Variants in ADGRV1 observed in about 807,000 individuals in gnomAD.
ADGRV1 encodes adhesion G protein-coupled receptor V1, also known as G-protein coupled receptor 98.
Under a neutral mutation model 596.2 loss-of-function variants are expected in ADGRV1, and 359 were observed. The observed-to-expected ratio is 0.60, with a 90% CI of 0.55 to 0.66. The LOEUF is 0.66. ADGRV1 is among the 30% of genes least tolerant of loss of function. The pLI is 0.00. For missense variants in ADGRV1, 7,274 were observed against 7,575.6 expected (o/e 0.96, Z 1.48); for synonymous variants, 2,681 against 2,679.2 (o/e 1.00, Z -0.02).
intron 89 of ADGRV1, among the ~76,000 whole-genome samples, chr5:91,158,849 GTGGATGGATGGATGGATGGATGGATGGA>G (rs35809247): frequency 1.4e-5 from 2 of 146,106 alleles, no homozygotes; most frequent in Non-Finnish European, 3.0e-5. Context: ...ACATGGATGG[GTGGATGGATGGATGGATGGATGGATGGA>G]TGGATGGATG....
At chr5:90,935,407 C>T (rs1022926328) in intron 83 of ADGRV1, among the ~76,000 whole-genome samples, 3 of 152,310 alleles carry the variant, frequency 2.0e-5, no homozygotes, top group Non-Finnish European at 4.4e-5. Context: ...TTGCATCTCT[C>T]TGCTACATTC....
At chr5:91,070,834 G>A (rs1467233828) in intron 85 of ADGRV1, among the ~76,000 whole-genome samples, 2 of 152,152 alleles carry the variant, frequency 1.3e-5, no homozygotes, top group Non-Finnish European at 2.9e-5. Context: ...ATTTTCAAGA[G>A]AGAATAGATG....
chr5:90,824,958 G>T (rs1053736147), intron 76 of ADGRV1, among the ~76,000 whole-genome samples: 2 of 150,714 alleles, frequency 1.3e-5, no homozygotes, highest in African/African-American at 2.4e-5. Flanking sequence ...CTTTTTTGAG[G>T]TGGAGTCTCA....
chr5:90,868,486 T>G (rs1768348893), intron 83 of ADGRV1, among the ~76,000 whole-genome samples: 1 of 152,062 alleles, frequency 6.6e-6, no homozygotes, highest in South Asian at 2.1e-4. Flanking sequence ...CTGGTCATTC[T>G]CATAGCATTT....
chr5:90,748,796 A>G (rs186708188), intron 52 of ADGRV1, among the ~76,000 whole-genome samples: 70 of 146,110 alleles, frequency 4.8e-4, no homozygotes, highest in African/African-American at 1.8e-3. Context: ...ATAATTGCCT[A>G]GTTTGTCTAT....
chr5:90,950,705 G>C (rs1776986636), intron 83 of ADGRV1, among the ~76,000 whole-genome samples: 1 of 152,138 alleles, frequency 6.6e-6, no homozygotes, highest in Non-Finnish European at 1.5e-5. Context: ...TCAAAATTTT[G>C]AGTAACTTAA....
chr5:91,073,481 A>C (rs977325592), intron 86 of ADGRV1, among the ~76,000 whole-genome samples: 1 of 152,228 alleles, frequency 6.6e-6, no homozygotes, highest in Non-Finnish European at 1.5e-5. Context: ...ATAGTGTCTA[A>C]TACATTTTTA....
intron 85 of ADGRV1, among the ~76,000 whole-genome samples, chr5:91,070,290 C>T (rs566037986): frequency 6.6e-6 from 1 of 152,268 alleles, no homozygotes; most frequent in South Asian, 2.1e-4. Flanking sequence ...AGTTAACACA[C>T]TATTTTCCCA....
intron 83 of ADGRV1, among the ~76,000 whole-genome samples, chr5:90,943,637 G>A (rs1776342864): frequency 6.6e-6 from 1 of 152,124 alleles, no homozygotes; most frequent in African/African-American, 2.4e-5. Context: ...AATTCAAGAT[G>A]TTTCCAGCAG....
chr5:91,080,506 T>A (rs1789243895), intron 86 of ADGRV1, among the ~76,000 whole-genome samples: 1 of 148,290 alleles, frequency 6.7e-6, no homozygotes, highest in Non-Finnish European at 1.5e-5. Flanking sequence ...AATAGTGACA[T>A]GTAAACATTA....
Position 90,653,520 on chromosome 5 carries a change from C to T in ADGRV1, c.3946C>T (p.Gln1316Ter). 1.2e-6 allele frequency: 2 copies of T among 1,613,912 alleles called. No individual in the cohort carries two copies. The highest frequency in any genetic ancestry group is 1.7e-6 in the Non-Finnish European group (2 of 1,179,868). The change falls in exon 20 of 90, where the codon CAG becomes TAG. Residue 1316 changes from glutamine to a stop codon, truncating the protein, a stop_gained. Transcript: ENST00000405460. LOFTEE classifies it high-confidence loss of function. ...TTTCCCCACCACCGTGCATTTACAA[C>T]AGCACATGCGGCGTCACCACAGTGG... ...GIFPTTVHLQ[Q>*]HMRRHHSGTD... is the part of the protein sequence containing the mutation.
intron 83 of ADGRV1, among the ~76,000 whole-genome samples, chr5:90,963,562 C>T (rs761899026): frequency 4.0e-5 from 6 of 151,358 alleles, no homozygotes; most frequent in East Asian, 2.0e-4. Flanking sequence ...TGCTGGCATG[C>T]GTTCTTTTTA....
intron 83 of ADGRV1, among the ~76,000 whole-genome samples, chr5:90,866,910 CACTT>C (rs1467209491): frequency 1.3e-5 from 2 of 152,004 alleles, no homozygotes; most frequent in African/African-American, 4.8e-5. Flanking sequence ...TATTTTTTCT[CACTT>C]ATATAAATGA....
intron 85 of ADGRV1, among the ~76,000 whole-genome samples, chr5:90,988,643 CT>C (rs933591679): frequency 3.6e-4 from 53 of 148,878 alleles, no homozygotes; most frequent in African/African-American, 4.2e-4. Flanking sequence ...ACAGCTATTT[CT>C]TTTTTTTTTA....
At chr5:90,765,779 A>C (rs1757050596) in intron 59 of ADGRV1, among the ~76,000 whole-genome samples, 1 of 151,902 alleles carries the variant, frequency 6.6e-6, no homozygotes, top group Admixed American at 6.6e-5. Context: ...ATCATAGCTC[A>C]CTGAAGCTTC....
At chr5:90,678,602 G>A (rs1744548452) in intron 25 of ADGRV1, among the ~76,000 whole-genome samples, 1 of 146,250 alleles carries the variant, frequency 6.8e-6, no homozygotes, top group Admixed American at 7.0e-5. Flanking sequence ...AAGACTGGGG[G>A]ACTGCATCTT....
At chr5:90,712,481 A>G in intron 42 of ADGRV1, 53 bp downstream of exon 42, 1 of 1,294,356 alleles carries the variant, frequency 7.7e-7, no homozygotes, top group Non-Finnish European at 1.1e-6. Context: ...TGGGTTCCTT[A>G]ATATGGGGGA....
chr5:90,638,699 C>T (rs1401733792), intron 11 of ADGRV1, among the ~76,000 whole-genome samples: 1 of 151,970 alleles, frequency 6.6e-6, no homozygotes, highest in Non-Finnish European at 1.5e-5. Context: ...GACTTGAGGG[C>T]TTTGTGCAAT....
Position 90,963,977 on chromosome 5 carries a change from A to G in ADGRV1, c.17857-1438A>G, listed in dbSNP as rs149538027. Among the ~76,000 whole-genome samples, 36 of 152,028 alleles carry G rather than the reference A, an allele frequency of 2.4e-4. No homozygotes were observed. The East Asian group carries it at 6.6e-3, about 28-fold the overall frequency. On this transcript the variant is annotated intron_variant, in intron 83 of 89. Coordinates refer to ENST00000405460, the MANE Select transcript of ADGRV1 (RefSeq NM_032119.4). Reference sequence around the variant, plus strand: ...TGGGTCTTATGTAATTGACTGAGGAATCAGGTTAAGGTGCATCTTTCATTG... The same window carrying G: ...TGGGTCTTATGTAATTGACTGAGGAGTCAGGTTAAGGTGCATCTTTCATTG...
Sources: allele counts gnomAD v4.1 joint callset (sites outside exome capture counted in the v4.1 genomes callset), GRCh38; gene constraint gnomAD v4.1.1; transcripts MANE v1.5; gene names NCBI Gene and HGNC (gene_info 2026-07-23, HGNC 2026-07-21).